Variants in EML1 observed in about 807,000 individuals in gnomAD.
EML1 encodes the protein echinoderm microtubule-associated protein-like 1.
Under a neutral mutation model 110.4 loss-of-function variants are expected in EML1, and 27 were observed. The observed-to-expected ratio is 0.24, with a 90% CI of 0.18 to 0.34. The LOEUF (loss-of-function observed/expected upper bound fraction) is 0.34. Ranked by LOEUF, EML1 falls within the 10% of genes least tolerant of loss-of-function variation. The pLI, the probability that EML1 is intolerant of heterozygous loss-of-function variation, is 1.00. For synonymous variants in EML1, 344 were observed against 385.8 expected (o/e 0.89, Z 1.27); for missense variants, 741 against 1,030.9 (o/e 0.72, Z 3.85).
chr14:99,875,020 A>T (rs1475333867), intron 3 of EML1: 1 of 1,603,964 alleles, frequency 6.2e-7, no homozygotes, highest in South Asian at 1.1e-5. Context: ...TTGTCACCAT[A>T]GCTGTTCCTT....
chr14:99,835,427 T>C (rs973981397), intron 1 of EML1, among the ~76,000 whole-genome samples: 1 of 152,184 alleles, frequency 6.6e-6, no homozygotes, highest in Non-Finnish European at 1.5e-5. Context: ...TTTCATTCCA[T>C]TGATTTTCTC....
chr14:99,797,953 T>G (rs147260280), intron 1 of EML1, among the ~76,000 whole-genome samples: 4 of 152,058 alleles, frequency 2.6e-5, no homozygotes, highest in Non-Finnish European at 5.9e-5. Context: ...CTCTGCCCTG[T>G]GGGGGAAGCT....
intron 6 of EML1, 139 bp from the exon 7 acceptor site, chr14:99,897,006 T>C (rs767103627): frequency 4.1e-6 from 3 of 727,680 alleles, no homozygotes; most frequent in Non-Finnish European, 6.0e-6. Context: ...TCATGGAATA[T>C]TTGCAATTTA....
At chr14:99,753,757 C>A (rs951440449) in intron 1 of EML1, among the ~76,000 whole-genome samples, 1 of 152,162 alleles carries the variant, frequency 6.6e-6, no homozygotes, top group East Asian at 1.9e-4. Flanking sequence ...CTGCTTGTTG[C>A]CATTCTTCCT....
intron 15 of EML1, among the ~76,000 whole-genome samples, chr14:99,916,855 C>T (rs4905917): frequency 0.24 from 36,855 of 152,172 alleles, 4,727 homozygotes; most frequent in East Asian, 0.43. Flanking sequence ...TCGTCTGTAC[C>T]GCGAAGCCTT....
intron 16 of EML1, 93 bp downstream of exon 16, chr14:99,917,942 C>T: frequency 7.7e-7 from 1 of 1,294,700 alleles, no homozygotes; most frequent in Non-Finnish European, 1.1e-6. Flanking sequence ...CCGTTCAGCT[C>T]TTGGCTACAT....
rs370318541 is a variant in EML1 at position 99,914,294 on chromosome 14, C to T, written c.1610C>T (p.Pro537Leu). ...LQGTLSGDFT[P>L]ITQGHTDELW... ...GGCACTCTGTCAGGGGACTTCACAC[C>T]CATTACTCAGGTACGATCCCACTCA... is the stretch of plus-strand genomic sequence containing the variant. Residue 537 changes from proline to leucine, a missense_variant, in exon 14 of 22, where the codon CCC becomes CTC. Around this residue, in one of 4 missense-constraint regions of EML1, gnomAD observed 388 missense variants for 605.6 expected, o/e 0.64. Coordinates refer to ENST00000262233, the MANE Select transcript of EML1 (RefSeq NM_004434.3). 5 of 1,611,754 alleles carry T rather than the reference C, an allele frequency of 3.1e-6. No individual in the cohort carries two copies. The highest frequency in any genetic ancestry group is 4.2e-6 in the Non-Finnish European group (5 of 1,178,154).
intron 16 of EML1, 54 bp from the exon 17 acceptor site, chr14:99,920,735 A>G (rs2060115910): frequency 7.1e-7 from 1 of 1,404,962 alleles, no homozygotes; most frequent in South Asian, 1.2e-5. Flanking sequence ...CTATTATATA[A>G]TCTTCATTTT....
chr14:99,937,227 C>T (rs1294780392), intron 19 of EML1, among the ~76,000 whole-genome samples: 1 of 152,148 alleles, frequency 6.6e-6, no homozygotes, highest in Non-Finnish European at 1.5e-5. Flanking sequence ...GTGCGGAGGG[C>T]GGCCGCACCG....
At chr14:99,808,650 C>G (rs1018304671) in intron 1 of EML1, among the ~76,000 whole-genome samples, 5 of 152,188 alleles carry the variant, frequency 3.3e-5, no homozygotes, top group African/African-American at 1.2e-4. Flanking sequence ...ACTCCCCAAA[C>G]AGGAATCTAT....
At chr14:99,922,034 A>T (rs540112766) in intron 17 of EML1, among the ~76,000 whole-genome samples, 137 of 152,198 alleles carry the variant, frequency 9.0e-4, no homozygotes, top group Non-Finnish European at 1.8e-3. Context: ...ATTCACGTAG[A>T]ATGATGTTTT....
rs777623397 is a variant in EML1 at position 99,939,619 on chromosome 14, C to T, written c.2322+292C>T. Among the ~76,000 whole-genome samples the T allele has an allele frequency of 2.0e-5, 3 of 152,178 alleles. No homozygotes were observed. Among genetic ancestry groups the T allele is most frequent in the Non-Finnish European group, 2.9e-5 (2 of 68,028 alleles). On this transcript the variant is annotated intron_variant, in intron 21 of 21. Transcript: ENST00000262233. The surrounding 1 kb of genome is among the most constrained non-coding windows in gnomAD (Gnocchi z 4.2). ...CTCCGGCCCTGCTCAGCCGCGCCAG[C>T]CCTGAGCCCTGGGACGCCCTTCTTC...
At chr14:99,896,080 T>A (rs971970) in intron 6 of EML1, among the ~76,000 whole-genome samples, 46,389 of 151,854 alleles carry the variant, frequency 0.31, 8,053 homozygotes, top group South Asian at 0.49. Flanking sequence ...GGTGAATTAA[T>A]TGTTGATTAT....
chr14:99,882,332 G>A (rs1191111), intron 4 of EML1, among the ~76,000 whole-genome samples: 88,347 of 151,958 alleles, frequency 0.58, 26,145 homozygotes, highest in East Asian at 0.87. Flanking sequence ...TTAGAAGCAC[G>A]GTTCATGTTA....
At chr14:99,836,205 T>TG (rs2139789182) in intron 1 of EML1, among the ~76,000 whole-genome samples, 1 of 87,926 alleles carries the variant, frequency 1.1e-5, no homozygotes, top group African/African-American at 4.3e-5. Context: ...CTTTAATTTC[T>TG]TTTATTATGT....
rs188310895 is a variant in EML1 at position 99,824,506 on chromosome 14, C to T, written c.68-26347C>T. Among the ~76,000 whole-genome samples the T allele has an allele frequency of 4.0e-5, 6 of 151,408 alleles. No homozygotes were observed. In the East Asian group the frequency reaches 7.8e-4, roughly 20 times the overall value. On this transcript the variant is annotated intron_variant, in intron 1 of 21. Transcript: ENST00000262233. ...ATAATACAGCATGGATCCCTGCATA[C>T]ACATACTGTGTACACACATATATAT...
At chr14:99,747,105 G>T (rs544294905) in intron 1 of EML1, among the ~76,000 whole-genome samples, 1 of 147,608 alleles carries the variant, frequency 6.8e-6, no homozygotes, top group African/African-American at 2.5e-5. Context: ...GGAGAATGGC[G>T]TGAACCCAGG....
intron 4 of EML1, 136 bp downstream of exon 4, chr14:99,878,755 A>G: frequency 7.7e-7 from 1 of 1,306,452 alleles, no homozygotes; most frequent in Non-Finnish European, 1.0e-6. Context: ...CTCCTCAGGT[A>G]TTTATAGGAC....
intron 1 of EML1, among the ~76,000 whole-genome samples, chr14:99,835,611 A>G (rs2058527948): frequency 6.6e-6 from 1 of 152,162 alleles, no homozygotes; most frequent in South Asian, 2.1e-4. Context: ...TGGGTGACAT[A>G]AATTTCTTTC....
Sources: allele counts gnomAD v4.1 joint callset (sites outside exome capture counted in the v4.1 genomes callset), GRCh38; gene constraint gnomAD v4.1.1; regional missense constraint gnomAD v4.1.1; non-coding constraint Gnocchi (gnomAD v3.1); transcripts MANE v1.5; gene names NCBI Gene and HGNC (gene_info 2026-07-23, HGNC 2026-07-21).